The following NUBPL variants were observed in gnomAD, a reference collection of about 807,000 sequenced individuals.
The protein encoded by NUBPL is iron-sulfur cluster transfer protein NUBPL.
NUBPL carries 31 observed loss-of-function variants against 45.7 expected under a neutral mutation model. That is an observed-to-expected ratio of 0.68 (90% CI 0.51 to 0.92). The LOEUF (loss-of-function observed/expected upper bound fraction) is 0.92, where lower values mean the gene tolerates loss of function less well. NUBPL is among the 40% of genes least tolerant of loss of function. The pLI, the probability that NUBPL is intolerant of heterozygous loss-of-function variation, is 0.00. For synonymous variants in NUBPL, 144 were observed against 140.9 expected, an observed-to-expected ratio of 1.02 and a Z score of -0.15; for missense variants, 401 against 398.7, an observed-to-expected ratio of 1.01 and a Z score of -0.05.
At chr14:31,658,075 G>A (rs1199697577) in intron 4 of NUBPL, among the ~76,000 whole-genome samples, 1 of 152,176 alleles carries the variant, frequency 6.6e-6, no homozygotes, top group Non-Finnish European at 1.5e-5. Flanking sequence ...TAATTACAGA[G>A]TAACTTGATA....
At chr14:31,612,667 A>G (rs1027227453) in intron 4 of NUBPL, among the ~76,000 whole-genome samples, 4 of 152,052 alleles carry the variant, frequency 2.6e-5, no homozygotes, top group Non-Finnish European at 5.9e-5. Context: ...CTCAGAAAAA[A>G]AAAAGAAAAG....
chr14:31,615,999 AGAT>A, intron 4 of NUBPL, among the ~76,000 whole-genome samples: 1 of 152,318 alleles, frequency 6.6e-6, no homozygotes, highest in South Asian at 2.1e-4. Flanking sequence ...AACTGGCGTG[AGAT>A]GATATCTCAT....
intron 6 of NUBPL, among the ~76,000 whole-genome samples, chr14:31,754,591 CTT>C (rs59085679): frequency 1.9e-5 from 2 of 103,696 alleles, no homozygotes; most frequent in Non-Finnish European, 3.8e-5. Context: ...AGAGGGTTTT[CTT>C]TTTTTTTTTT....
intron 4 of NUBPL, among the ~76,000 whole-genome samples, chr14:31,666,263 AATT>A (rs1339876244): frequency 2.7e-5 from 3 of 111,884 alleles, no homozygotes; most frequent in Non-Finnish European, 5.7e-5. Flanking sequence ...ATATATATAT[AATT>A]TTATTTTATT....
At chr14:31,831,510 T>TACCATACCAC (rs1165548611) in intron 8 of NUBPL, among the ~76,000 whole-genome samples, 7 of 151,648 alleles carry the variant, frequency 4.6e-5, no homozygotes, top group Non-Finnish European at 8.8e-5. Flanking sequence ...TACCATACCA[T>TACCATACCAC]ACCATACTAT....
intron 10 of NUBPL, among the ~76,000 whole-genome samples, chr14:31,854,855 G>A (rs1427985712): frequency 1.3e-5 from 2 of 152,180 alleles, no homozygotes; most frequent in Non-Finnish European, 2.9e-5. Context: ...AAATGTATTT[G>A]TTGAAATAAA....
intron 6 of NUBPL, among the ~76,000 whole-genome samples, chr14:31,774,058 C>T (rs1036687469): frequency 6.6e-6 from 1 of 152,166 alleles, no homozygotes; most frequent in African/African-American, 2.4e-5. Flanking sequence ...TTGGTTACAC[C>T]TTTCCATGCC....
At position 31,649,091 on chromosome 14, in the gene NUBPL, G is replaced by A. The variant is rs575680247; in HGVS notation, c.383-24264G>A. ...CCAAAGTGCTGGGATTTACAGGCAT[G>A]AGCCAATGCTCCTGGCCCCAAGTTT... On this transcript the variant is annotated intron_variant, in intron 4 of 10. Coordinates refer to ENST00000281081, the MANE Select transcript of NUBPL (RefSeq NM_025152.3). 9.2e-5 allele frequency among the ~76,000 whole-genome samples: 14 copies of A among 152,302 alleles called. No individual in the cohort carries two copies. The South Asian group carries it at 2.9e-3, about 32-fold the overall frequency.
intron 7 of NUBPL, among the ~76,000 whole-genome samples, chr14:31,818,837 C>T (rs989316291): frequency 3.9e-5 from 6 of 152,184 alleles, no homozygotes; most frequent in East Asian, 1.9e-4. Flanking sequence ...CGTGAGCTGC[C>T]GTGCCCAGCC....
intron 6 of NUBPL, among the ~76,000 whole-genome samples, chr14:31,744,469 TAAAC>T (rs2038351705): frequency 6.6e-6 from 1 of 152,032 alleles, no homozygotes; most frequent in African/African-American, 2.4e-5. Context: ...TCTTTAAAAA[TAAAC>T]GCCACAAAAA....
rs1342666424 is a variant in NUBPL at position 31,759,741 on chromosome 14, T to C, written c.514-28039T>C. 2.0e-5 allele frequency among the ~76,000 whole-genome samples: 3 copies of C among 150,698 alleles called. No individual in the cohort carries two copies. In the Admixed American group the frequency reaches 2.0e-4, roughly 10 times the overall value. The stretch of plus-strand genomic sequence containing the variant: ...ATATGTGGTATAATAAATATTCTCT[T>C]GTATCTTGTATGCTGGCAAGAGCAG... On this transcript the variant is annotated intron_variant, in intron 6 of 10. Coordinates refer to ENST00000281081, the MANE Select transcript of NUBPL (RefSeq NM_025152.3).
chr14:31,580,355 G>T (rs1421964598), intron 3 of NUBPL, among the ~76,000 whole-genome samples: 1 of 152,190 alleles, frequency 6.6e-6, no homozygotes, highest in Non-Finnish European at 1.5e-5. Context: ...GGGTGCTGTG[G>T]CTCATGCCTT....
At chr14:31,670,986 T>C (rs1318236075) in intron 4 of NUBPL, among the ~76,000 whole-genome samples, 1 of 152,208 alleles carries the variant, frequency 6.6e-6, no homozygotes, top group East Asian at 1.9e-4. Context: ...AATTTTAAAA[T>C]AGTTTTTTCT....
In NUBPL at chr14:31,680,608, A is replaced by G. The variant is rs2036809206; in HGVS notation, c.513+7034A>G. ...AATATTGTAATTATAGTTGTCCCTC[A>G]ATATCTGTGGGGGATTGGTTCCAGG... is the stretch of plus-strand genomic sequence containing the variant. On this transcript the variant is annotated intron_variant, in intron 6 of 10. Coordinates refer to ENST00000281081, the MANE Select transcript of NUBPL (RefSeq NM_025152.3). Among the ~76,000 whole-genome samples the G allele has an allele frequency of 5.9e-5, 9 of 151,930 alleles. No homozygotes were observed. In the South Asian group the frequency reaches 1.9e-3, roughly 32 times the overall value.
intron 6 of NUBPL, among the ~76,000 whole-genome samples, chr14:31,697,627 T>C (rs1449090032): frequency 1.3e-5 from 2 of 152,194 alleles, no homozygotes; most frequent in African/African-American, 2.4e-5. Flanking sequence ...ATATACAGCA[T>C]TGAAAACTGG....
chr14:31,819,134 T>C (rs2039973344), intron 7 of NUBPL, among the ~76,000 whole-genome samples: 1 of 152,110 alleles, frequency 6.6e-6, no homozygotes, highest in South Asian at 2.1e-4. Context: ...AACTCAGGAA[T>C]TTTGGGGGTG....
chr14:31,856,604 T>C (rs2139020985), intron 10 of NUBPL, among the ~76,000 whole-genome samples: 1 of 152,312 alleles, frequency 6.6e-6, no homozygotes. Flanking sequence ...AGTTACTTCC[T>C]AGATACAGTG....
intron 6 of NUBPL, among the ~76,000 whole-genome samples, chr14:31,755,529 A>T (rs76412916): frequency 1.3e-5 from 2 of 151,748 alleles, no homozygotes; most frequent in Non-Finnish European, 2.9e-5. Flanking sequence ...TCCTTCGCCC[A>T]CTTTTTGATG....
At chr14:31,760,524 A>G (rs1488777528) in intron 6 of NUBPL, among the ~76,000 whole-genome samples, 3 of 152,052 alleles carry the variant, frequency 2.0e-5, no homozygotes, top group East Asian at 1.9e-4. Context: ...TATTCCTTCT[A>G]TGAGTTCTAC....
Sources: gnomAD v4.1 joint callset for allele counts (sites outside exome capture counted in the v4.1 genomes callset) on GRCh38, gnomAD v4.1.1 for gene constraint, MANE v1.5 for transcripts, NCBI Gene and HGNC (gene_info 2026-07-23, HGNC 2026-07-21) for gene names.